Variants in RARB observed in about 807,000 individuals in gnomAD.
RARB encodes the protein HBV-activated protein.
RARB carries 17 observed loss-of-function variants against 51.9 expected under a neutral mutation model. That is an observed-to-expected ratio of 0.33 (90% CI 0.22 to 0.49). The LOEUF (loss-of-function observed/expected upper bound fraction) is 0.49. RARB is among the 20% of genes least tolerant of loss of function. The probability of loss-of-function intolerance (pLI) is 0.99; values close to 1 mark genes in which losing one functional copy is unlikely to be tolerated. For synonymous variants in RARB, 215 were observed against 195.4 expected (o/e 1.10, Z -0.84); for missense variants, 369 against 550.8 (o/e 0.67, Z 3.30).
intron 3 of RARB, among the ~76,000 whole-genome samples, chr3:25,068,576 T>G (rs1698709610): frequency 2.0e-5 from 3 of 152,180 alleles, no homozygotes; most frequent in African/African-American, 7.2e-5. Context: ...TAACGGAAGT[T>G]ATGAAATGGG....
chr3:25,211,853 A>C (rs1227309604), intron 5 of RARB, among the ~76,000 whole-genome samples: 1 of 152,224 alleles, frequency 6.6e-6, no homozygotes, highest in African/African-American at 2.4e-5. Flanking sequence ...CAGACTCATG[A>C]TTTAAACAAT....
At chr3:25,469,400 T>A (rs536784807) in intron 2 of RARB, among the ~76,000 whole-genome samples, 3 of 152,360 alleles carry the variant, frequency 2.0e-5, no homozygotes, top group South Asian at 4.1e-4. Context: ...CTCACTCTGA[T>A]AGTTGCTTCT....
chr3:25,415,973 A>G (rs1159410623), intron 5 of RARB, among the ~76,000 whole-genome samples: 1 of 152,238 alleles, frequency 6.6e-6, no homozygotes, highest in Non-Finnish European at 1.5e-5. Context: ...TAAAAAATGC[A>G]GGGGCAAGGA....
intron 1 of RARB, among the ~76,000 whole-genome samples, chr3:25,432,360 C>T (rs1708244257): frequency 6.6e-6 from 1 of 152,258 alleles, no homozygotes; most frequent in Admixed American, 6.5e-5. Flanking sequence ...GAAAGGTAGA[C>T]ATCTGTTTGC....
At chr3:25,570,051 G>A (rs960821845) in intron 4 of RARB, 133 bp downstream of exon 4, 1 of 1,300,892 alleles carries the variant, frequency 7.7e-7, no homozygotes, top group African/African-American at 1.5e-5. Flanking sequence ...GGGCTTGCAT[G>A]CTAGCCAGCT....
chr3:25,091,022 C>G (rs1433818266), intron 3 of RARB, among the ~76,000 whole-genome samples: 3 of 152,138 alleles, frequency 2.0e-5, no homozygotes, highest in Non-Finnish European at 4.4e-5. Flanking sequence ...GCTTTGCGTG[C>G]AATTATTTAA....
At chr3:25,384,925 T>G (rs1280631676) in intron 5 of RARB, among the ~76,000 whole-genome samples, 1 of 152,190 alleles carries the variant, frequency 6.6e-6, no homozygotes, top group East Asian at 1.9e-4. Flanking sequence ...TAATAAAAAT[T>G]TGTATAGGTG....
intron 5 of RARB, among the ~76,000 whole-genome samples, chr3:25,251,304 C>T (rs570814266): frequency 2.2e-4 from 33 of 151,976 alleles, no homozygotes; most frequent in Middle Eastern, 3.4e-3. Flanking sequence ...TACTTTTTGG[C>T]TTTTATGAAT....
chr3:25,554,226 G>T (rs1219771685), intron 3 of RARB, among the ~76,000 whole-genome samples: 1 of 149,584 alleles, frequency 6.7e-6, no homozygotes, highest in Non-Finnish European at 1.5e-5. Flanking sequence ...TATGTTGCCT[G>T]ATAGCTGAAA....
At chr3:25,539,778 G>C (rs999462574) in intron 3 of RARB, among the ~76,000 whole-genome samples, 1 of 151,730 alleles carries the variant, frequency 6.6e-6, no homozygotes, top group Non-Finnish European at 1.5e-5. Flanking sequence ...ATCTAAGACT[G>C]CATTACTTAT....
intron 5 of RARB, among the ~76,000 whole-genome samples, chr3:25,415,144 A>G (rs916854468): frequency 5.9e-5 from 9 of 152,120 alleles, no homozygotes; most frequent in South Asian, 2.1e-4. Flanking sequence ...ATCCTACTGT[A>G]TGATTTGTCA....
At chr3:25,266,161 T>G (rs906776737) in intron 5 of RARB, among the ~76,000 whole-genome samples, 1 of 152,202 alleles carries the variant, frequency 6.6e-6, no homozygotes, top group Non-Finnish European at 1.5e-5. Context: ...CCTAACATAT[T>G]CACAGATCCT....
chr3:25,422,336 T>C (rs1707884275), intron 5 of RARB, among the ~76,000 whole-genome samples: 1 of 152,214 alleles, frequency 6.6e-6, no homozygotes, highest in East Asian at 1.9e-4. Flanking sequence ...GTGGCACATC[T>C]AATCTTAGCT....
intron 5 of RARB, among the ~76,000 whole-genome samples, chr3:25,220,101 T>C (rs1701913427): frequency 6.6e-6 from 1 of 152,222 alleles, no homozygotes; most frequent in African/African-American, 2.4e-5. Context: ...TTAACATGTT[T>C]CATAAAATTC....
chr3:25,496,190 C>T (rs1697023338), intron 2 of RARB, among the ~76,000 whole-genome samples: 1 of 152,200 alleles, frequency 6.6e-6, no homozygotes, highest in African/African-American at 2.4e-5. Context: ...TGTTAGTCAA[C>T]AATTATTATT....
At chr3:24,933,508 C>G (rs115124081) in intron 2 of RARB, among the ~76,000 whole-genome samples, 2 of 152,002 alleles carry the variant, frequency 1.3e-5, no homozygotes, top group African/African-American at 4.8e-5. Context: ...TCTCGCCCTT[C>G]AGAGTTTTGC....
intron 5 of RARB, among the ~76,000 whole-genome samples, chr3:25,400,006 T>G (rs572885790): frequency 6.6e-6 from 1 of 152,352 alleles, no homozygotes; most frequent in African/African-American, 2.4e-5. Flanking sequence ...CCTCTGAGGA[T>G]TCTCCTAAAG....
At chr3:25,572,146 A>C (rs1700736396) in intron 4 of RARB, among the ~76,000 whole-genome samples, 1 of 152,138 alleles carries the variant, frequency 6.6e-6, no homozygotes, top group African/African-American at 2.4e-5. Flanking sequence ...AAGATGAGAG[A>C]AAACAGGTGC....
chr3:25,530,109 G>T (rs1677217944), intron 3 of RARB, among the ~76,000 whole-genome samples: 1 of 152,120 alleles, frequency 6.6e-6, no homozygotes, highest in African/African-American at 2.4e-5. Context: ...ACTTCTCTAT[G>T]TCCCACTAGA....
Sources: allele counts gnomAD v4.1 joint callset (sites outside exome capture counted in the v4.1 genomes callset), GRCh38; gene constraint gnomAD v4.1.1; transcripts MANE v1.5; gene names NCBI Gene and HGNC (gene_info 2026-07-23, HGNC 2026-07-21).